AMBP: variants seen among roughly 807,000 people sequenced by gnomAD.
AMBP encodes the protein protein AMBP.
A neutral mutation model predicts 46.3 loss-of-function variants in AMBP; 37 were observed. That is an observed-to-expected ratio of 0.80 (90% CI 0.61 to 1.05). AMBP has a LOEUF of 1.05. Ranked by LOEUF, AMBP falls within the 50% of genes least tolerant of loss-of-function variation. The pLI is 0.00. For missense variants in AMBP, 475 were observed against 461.2 expected (o/e 1.03, Z -0.27); for synonymous variants, 174 against 175.9 (o/e 0.99, Z 0.09).
chr9:114,069,638 C>T (rs1846723700), intron 6 of AMBP, 61 bp downstream of exon 6: 27 of 1,250,000 alleles, frequency 2.2e-5, no homozygotes, highest in East Asian at 5.0e-5. Flanking sequence ...AAGTGTGCAG[C>T]GTGCCTGGGG....
At chr9:114,074,935 A>AT in intron 3 of AMBP, 25 bp downstream of exon 3, 1 of 1,599,812 alleles carries the variant, frequency 6.3e-7, no homozygotes, top group Non-Finnish European at 8.6e-7. Flanking sequence ...GAGAGAATGC[A>AT]TGTGTCTCTT....
chr9:114,076,736 T>C lies in AMBP; in HGVS notation c.122A>G (p.Tyr41Cys). The C allele has an allele frequency of 1.2e-6, 2 of 1,613,952 alleles. No homozygotes were observed. The highest frequency in any genetic ancestry group is 8.5e-7 in the Non-Finnish European group (1 of 1,179,930). ...VQENFNISRIYGKWYNLAIGS... is the reference protein window; with the variant it reads ...VQENFNISRICGKWYNLAIGS... ...GATGGCCAGGTTGTACCACTTCCCA[T>C]AGATCTAGGAGGCAGGTGAGCTCTG... The change falls in exon 2 of 10, where the codon TAT becomes TGT. Residue 41 changes from tyrosine to cysteine, a missense_variant. Tyr to Cys is a radical substitution (Grantham distance 194). Around this residue, in one of 3 missense-constraint regions of AMBP, gnomAD observed 179 missense variants for 167.4 expected, o/e 1.07. Transcript: ENST00000265132.
chr9:114,077,991 G>T (rs965052815), intron 1 of AMBP, 102 bp downstream of exon 1: 1 of 1,119,682 alleles, frequency 8.9e-7, no homozygotes, highest in Non-Finnish European at 1.3e-6. Flanking sequence ...GATCTGAGTG[G>T]AAGCCTGAGA....
chr9:114,065,915 G>C (rs1846688808), intron 6 of AMBP, among the ~76,000 whole-genome samples: 1 of 152,214 alleles, frequency 6.6e-6, no homozygotes, highest in Non-Finnish European at 1.5e-5. Flanking sequence ...ACCTGAATAA[G>C]AGAAAGAGCC....
chr9:114,069,602 ACT>A (rs1846723325), intron 6 of AMBP, 95 bp downstream of exon 6: 1 of 1,195,538 alleles, frequency 8.4e-7, no homozygotes. Flanking sequence ...CCTCCCCATG[ACT>A]CTGCCTCCCC....
rs765895094 is a variant in AMBP at position 114,069,718 on chromosome 9, G to A, written c.584C>T (p.Pro195Leu). The A allele has an allele frequency of 2.5e-6, 4 of 1,613,958 alleles. No homozygotes were observed. The South Asian group carries it at 4.4e-5, about 18-fold the overall frequency. ...RGECVPGEQE[P>L]EPILIPRVRR... ...ACTCACCGGGATTAAGATGGGCTCT[G>A]GTTCCTGCTCCCCAGGGACACATTC... The change falls in exon 6 of 10, where the codon CCA becomes CTA. Residue 195 changes from proline to leucine, a missense_variant. This residue lies in a region of AMBP where 293 missense variants were observed against 276.9 expected (regional missense o/e 1.06). Transcript: ENST00000265132.
In AMBP at chr9:114,073,020, G is replaced by A. The variant is rs910720131; in HGVS notation, c.461C>T (p.Ala154Val). The A allele has an allele frequency of 1.1e-5, 17 of 1,612,690 alleles. No individual in the cohort carries two copies. Among genetic ancestry groups the A allele is most frequent in the East Asian group, 2.2e-5 (1 of 44,838 alleles). ...PTITAKLYGRAPQLRETLLQD... is the reference protein window; with the variant it reads ...PTITAKLYGRVPQLRETLLQD... ...CAGGAGAGTTTCCCTCAGCTGCGGC[G>A]CCCGCCCTGCAAGGAGGAAGCAGAG... Residue 154 changes from alanine (A) to valine (V), a missense_variant, in exon 5 of 10, where the codon GCG (alanine) becomes GTG (valine). Physicochemically the swap from Ala to Val is moderately conservative, Grantham distance 64. Coordinates refer to ENST00000265132, the MANE Select transcript of AMBP (RefSeq NM_001633.4).
chr9:114,064,513 T>G (rs1846673370), intron 6 of AMBP, among the ~76,000 whole-genome samples: 1 of 152,162 alleles, frequency 6.6e-6, no homozygotes, highest in Non-Finnish European at 1.5e-5. Context: ...AATAGAAGTG[T>G]GCTGTATTTC....
At chr9:114,073,128 A>G (rs1253030886) in intron 4 of AMBP, 102 bp from the exon 5 acceptor site, 2 of 982,214 alleles carry the variant, frequency 2.0e-6, no homozygotes, top group East Asian at 5.3e-5. Flanking sequence ...GGAAAATTTG[A>G]AAACTATTGA....
chr9:114,076,612 G>A lies in AMBP; in HGVS notation c.246C>T (p.Thr82=). ...EGATEAEISM[T]STRWRKGVCE... Reference sequence around the variant, plus strand: ...CTAGTGCTCACCGCCAACGAGTGCTGGTCATGCTGATCTCCGCCTCTGTAG... The same window carrying A: ...CTAGTGCTCACCGCCAACGAGTGCTAGTCATGCTGATCTCCGCCTCTGTAG... Residue 82 remains threonine (T), a synonymous_variant, in exon 2 of 10, where the codon ACC becomes ACT. Transcript: ENST00000265132. The A allele has an allele frequency of 6.2e-7, 1 of 1,613,780 alleles. No individual in the cohort carries two copies. Among genetic ancestry groups the A allele is most frequent in the Non-Finnish European group, 8.5e-7 (1 of 1,179,946 alleles).
In AMBP at chr9:114,078,078, G is replaced by A. The variant is rs201441866; in HGVS notation, c.117+15C>T. ...ATCACCACATCCACCCTACCACAGAGAGCGGCAGCCTTACCCGAGAGATAT... is the reference window on the plus strand; with the variant it reads ...ATCACCACATCCACCCTACCACAGAAAGCGGCAGCCTTACCCGAGAGATAT... On this transcript the variant is annotated intron_variant, in intron 1 of 9. Transcript: ENST00000265132. 8 of 1,613,604 alleles carry A rather than the reference G, an allele frequency of 5.0e-6. 1 individual carries two copies. The highest frequency in any genetic ancestry group is 1.6e-4 in the Middle Eastern group (1 of 6,082).
intron 5 of AMBP, among the ~76,000 whole-genome samples, chr9:114,072,671 G>A (rs1864721): frequency 0.27 from 41,759 of 152,098 alleles, 6,006 homozygotes; most frequent in East Asian, 0.39. Flanking sequence ...AGGTATCTGT[G>A]GATTCTGGCT....
chr9:114,061,423 C>A lies in AMBP; in HGVS notation c.853+1G>T. The A allele has an allele frequency of 6.2e-7, 1 of 1,614,120 alleles. No individual in the cohort carries two copies. ...GCACAGGGGTGGGGACCCGCACTCA[C>A]CCACAGTTCGGCAGGTCTGCAGACA... On this transcript the variant is annotated splice_donor_variant, in intron 8 of 9. Coordinates refer to ENST00000265132, the MANE Select transcript of AMBP (RefSeq NM_001633.4). LOFTEE classifies it high-confidence loss of function.
chr9:114,060,327 G>A, intron 9 of AMBP, 57 bp from the exon 10 acceptor site: 1 of 1,592,734 alleles, frequency 6.3e-7, no homozygotes, highest in South Asian at 1.1e-5. Context: ...TCAGGGAAGG[G>A]AAAGCAGCTG....
At chr9:114,060,409 T>G (rs1846622078) in intron 9 of AMBP, 139 bp from the exon 10 acceptor site, 1 of 947,106 alleles carries the variant, frequency 1.1e-6, no homozygotes, top group Non-Finnish European at 1.5e-6. Flanking sequence ...ATGATCAGAT[T>G]TTTTTTTCCT....
intron 3 of AMBP, 139 bp from the exon 4 acceptor site, chr9:114,074,291 C>G: frequency 1.5e-6 from 1 of 662,150 alleles, no homozygotes; most frequent in Non-Finnish European, 2.7e-6. Context: ...CTCCATTTAT[C>G]AATTCATCCA....
chr9:114,077,282 T>A (rs932321788), intron 1 of AMBP, among the ~76,000 whole-genome samples: 14 of 152,260 alleles, frequency 9.2e-5, no homozygotes, highest in African/African-American at 3.1e-4. Context: ...ACCCTTTGCG[T>A]CCCAGACTGC....
At chr9:114,073,135 T>C (rs2134854204) in intron 4 of AMBP, 109 bp from the exon 5 acceptor site, 3 of 911,598 alleles carry the variant, frequency 3.3e-6, no homozygotes, top group South Asian at 3.3e-5. Flanking sequence ...TTGAAAACTA[T>C]TGATGCAGTT....
intron 6 of AMBP, among the ~76,000 whole-genome samples, chr9:114,067,011 G>A (rs1846702315): frequency 6.6e-6 from 1 of 152,128 alleles, no homozygotes; most frequent in East Asian, 1.9e-4. Flanking sequence ...CGCGATCACG[G>A]CTCACTGCAA....
Sources: gnomAD v4.1 joint callset for allele counts (sites outside exome capture counted in the v4.1 genomes callset) on GRCh38, gnomAD v4.1.1 for gene constraint, gnomAD v4.1.1 regional missense constraint, MANE v1.5 for transcripts, NCBI Gene and HGNC (gene_info 2026-07-23, HGNC 2026-07-21) for gene names.